Variants in WWOX observed in about 807,000 individuals in gnomAD.
The protein encoded by WWOX is WW domain containing oxidoreductase.
Under a neutral mutation model 46.2 loss-of-function variants are expected in WWOX, and 69 were observed. The ratio of observed to expected loss-of-function variants is 1.49; its 90% CI spans 1.23 to 1.82. The LOEUF (loss-of-function observed/expected upper bound fraction) is 1.82, where lower values mean the gene tolerates loss of function less well. Among genes scored for constraint, WWOX ranks in the 40% most tolerant of loss-of-function variants. WWOX has a pLI of 0.00. For missense variants in WWOX, 919 were observed against 542.6 expected, an observed-to-expected ratio of 1.69 and a Z score of -6.89; for synonymous variants, 359 against 202.6, an observed-to-expected ratio of 1.77 and a Z score of -6.56.
chr16:78,951,223 C>G (rs765322708), intron 8 of WWOX, among the ~76,000 whole-genome samples: 19 of 152,344 alleles, frequency 1.2e-4, no homozygotes, highest in Non-Finnish European at 2.6e-4. Flanking sequence ...TTCTATTTCT[C>G]TGCATCTCTC....
chr16:79,098,387 C>T (rs1024047622), intron 8 of WWOX, among the ~76,000 whole-genome samples: 3 of 152,214 alleles, frequency 2.0e-5, no homozygotes, highest in African/African-American at 7.2e-5. Flanking sequence ...ATTTCTGCTT[C>T]TTAACCAGCA....
At chr16:78,880,928 A>G (rs961305886) in intron 8 of WWOX, among the ~76,000 whole-genome samples, 3 of 151,210 alleles carry the variant, frequency 2.0e-5, no homozygotes, top group African/African-American at 4.9e-5. Context: ...CTGTTTTCCA[A>G]GCACTTTTTT....
intron 5 of WWOX, among the ~76,000 whole-genome samples, chr16:78,300,050 T>C (rs1439465194): frequency 6.6e-6 from 1 of 152,192 alleles, no homozygotes; most frequent in Non-Finnish European, 1.5e-5. Flanking sequence ...TGCTGCATCT[T>C]ATAAGAAGGA....
At chr16:78,549,936 A>T (rs1445832140) in intron 8 of WWOX, among the ~76,000 whole-genome samples, 1 of 152,176 alleles carries the variant, frequency 6.6e-6, no homozygotes, top group Non-Finnish European at 1.5e-5. Context: ...AAAGAAAGAA[A>T]AAAAAGAAAA....
At chr16:78,357,295 A>C (rs535425044) in intron 5 of WWOX, among the ~76,000 whole-genome samples, 1 of 152,146 alleles carries the variant, frequency 6.6e-6, no homozygotes, top group Non-Finnish European at 1.5e-5. Context: ...TTGAGACCTG[A>C]CTTTGGGAAT....
intron 8 of WWOX, among the ~76,000 whole-genome samples, chr16:78,509,307 GC>G (rs1051263853): frequency 2.0e-5 from 3 of 152,114 alleles, no homozygotes; most frequent in Non-Finnish European, 4.4e-5. Flanking sequence ...GAGCGTGATG[GC>G]CAGCACCTGT....
intron 4 of WWOX, among the ~76,000 whole-genome samples, chr16:78,146,455 A>G (rs1260645004): frequency 6.6e-6 from 1 of 152,212 alleles, no homozygotes; most frequent in African/African-American, 2.4e-5. Context: ...TCGAGTCTCC[A>G]GAAGTCATGT....
At chr16:78,591,638 C>T (rs1226413529) in intron 8 of WWOX, among the ~76,000 whole-genome samples, 1 of 152,194 alleles carries the variant, frequency 6.6e-6, no homozygotes, top group East Asian at 1.9e-4. Context: ...CTCTGAGTCT[C>T]AGCTGACCAA....
intron 8 of WWOX, among the ~76,000 whole-genome samples, chr16:78,949,650 T>C (rs1348682003): frequency 6.6e-6 from 1 of 152,248 alleles, no homozygotes; most frequent in African/African-American, 2.4e-5. Context: ...AAGGCTCGTG[T>C]TAACTCCATC....
At chr16:79,130,199 C>G (rs1325809608) in intron 8 of WWOX, among the ~76,000 whole-genome samples, 1 of 152,176 alleles carries the variant, frequency 6.6e-6, no homozygotes, top group Admixed American at 6.5e-5. Context: ...TGTCTGATTC[C>G]TGAACCTGTG....
At chr16:78,711,532 G>C (rs1055822461) in intron 8 of WWOX, among the ~76,000 whole-genome samples, 1 of 152,176 alleles carries the variant, frequency 6.6e-6, no homozygotes, top group African/African-American at 2.4e-5. Flanking sequence ...TAGTTTGAAA[G>C]GCCAGCCGCA....
intron 8 of WWOX, among the ~76,000 whole-genome samples, chr16:78,451,434 G>C (rs1303561235): frequency 6.6e-6 from 1 of 152,188 alleles, no homozygotes; most frequent in East Asian, 1.9e-4. Context: ...AGCATATTTG[G>C]CTGAGTTTGG....
chr16:79,075,648 G>A (rs2048641950), intron 8 of WWOX, among the ~76,000 whole-genome samples: 1 of 151,890 alleles, frequency 6.6e-6, no homozygotes, highest in Admixed American at 6.6e-5. Flanking sequence ...CGCCTTCTGG[G>A]ATCAAGTGAT....
intron 8 of WWOX, among the ~76,000 whole-genome samples, chr16:79,094,064 G>C (rs1002432395): frequency 6.6e-6 from 1 of 152,148 alleles, no homozygotes; most frequent in Non-Finnish European, 1.5e-5. Context: ...AATTTAGCCA[G>C]ATAAAGTGCC....
intron 8 of WWOX, among the ~76,000 whole-genome samples, chr16:78,960,728 C>G (rs748766336): frequency 6.6e-6 from 1 of 152,186 alleles, no homozygotes. Context: ...AGTAGAGGTA[C>G]ACAGCACTTG....
At chr16:79,121,197 C>G (rs1234104009) in intron 8 of WWOX, among the ~76,000 whole-genome samples, 1 of 152,166 alleles carries the variant, frequency 6.6e-6, no homozygotes. Flanking sequence ...GTCACAGTTA[C>G]AGGTTCCGGG....
intron 8 of WWOX, among the ~76,000 whole-genome samples, chr16:79,027,692 C>T (rs1051959854): frequency 2.6e-5 from 4 of 151,842 alleles, no homozygotes; most frequent in African/African-American, 9.7e-5. Flanking sequence ...ATACTTATCT[C>T]CTCCTTACTC....
chr16:78,960,813 A>T (rs1222427240), intron 8 of WWOX, among the ~76,000 whole-genome samples: 1 of 152,146 alleles, frequency 6.6e-6, no homozygotes, highest in Admixed American at 6.5e-5. Context: ...TTGTTAAACT[A>T]GCATCCTGTT....
At chr16:78,345,742 G>A (rs1360528019) in intron 5 of WWOX, among the ~76,000 whole-genome samples, 1 of 115,800 alleles carries the variant, frequency 8.6e-6, no homozygotes, top group East Asian at 1.9e-4. Context: ...TAATACTGCT[G>A]TTCTTAACTC....
Sources: gnomAD v4.1 joint callset for allele counts (sites outside exome capture counted in the v4.1 genomes callset) on GRCh38, gnomAD v4.1.1 for gene constraint, MANE v1.5 for transcripts, NCBI Gene and HGNC (gene_info 2026-07-23, HGNC 2026-07-21) for gene names.